The following DPYD variants were observed in gnomAD, a reference collection of about 807,000 sequenced individuals.
DPYD encodes the protein dihydropyrimidine dehydrogenase.
A neutral mutation model predicts 116.2 loss-of-function variants in DPYD; 109 were observed. That is an observed-to-expected ratio of 0.94 (90% CI 0.80 to 1.10). The LOEUF (loss-of-function observed/expected upper bound fraction) is 1.10, where lower values mean the gene tolerates loss of function less well. DPYD is among the 50% of genes least tolerant of loss of function. DPYD has a pLI of 0.00. For synonymous variants in DPYD, 440 were observed against 432.0 expected, an observed-to-expected ratio of 1.02 and a Z score of -0.23; for missense variants, 1,302 against 1,254.5, an observed-to-expected ratio of 1.04 and a Z score of -0.57.
chr1:97,096,259 G>GT (rs1349437042), intron 21 of DPYD, among the ~76,000 whole-genome samples: 1 of 151,736 alleles, frequency 6.6e-6, no homozygotes, highest in East Asian at 1.9e-4. Context: ...GCTCTGTTTT[G>GT]TTTTTTGTCT....
chr1:97,769,320 G>T (rs1666030295), intron 3 of DPYD, among the ~76,000 whole-genome samples: 1 of 152,038 alleles, frequency 6.6e-6, no homozygotes, highest in South Asian at 2.1e-4. Context: ...AGTCAACAAG[G>T]TGGTAACAGG....
intron 10 of DPYD, among the ~76,000 whole-genome samples, chr1:97,592,022 T>C (rs1486300710): frequency 6.6e-6 from 1 of 152,170 alleles, no homozygotes; most frequent in East Asian, 1.9e-4. Flanking sequence ...CATGAACCAA[T>C]GGTGACCCTG....
chr1:97,577,169 T>G (rs1395473761), intron 10 of DPYD, among the ~76,000 whole-genome samples: 1 of 152,214 alleles, frequency 6.6e-6, no homozygotes, highest in African/African-American at 2.4e-5. Context: ...GACTTTGTTA[T>G]AGCAGAAGAA....
rs757509506 is a variant in DPYD, at chr1:97,079,057, G to C, written c.2997C>G (p.Val999=). ...CTLCLSVCPI[V]DCIKMVSRTT... ...TCCTGGAAACCATTTTGATGCAGTC[G>C]ACAATAGGGCAAACACTGAGACACA... The change falls in exon 23 of 23, where the codon GTC becomes GTG. Residue 999 remains valine (V), a synonymous_variant. Transcript: ENST00000370192. 2 of 1,613,556 alleles carry C rather than the reference G, an allele frequency of 1.2e-6. No homozygotes were observed. Among genetic ancestry groups the C allele is most frequent in the African/African-American group, 1.3e-5 (1 of 74,852 alleles).
Position 97,911,943 on chromosome 1 carries a change from G to A in DPYD, c.39+8941C>T, listed in dbSNP as rs114078222. Among the ~76,000 whole-genome samples, 1,268 of 152,046 alleles carry A rather than the reference G, an allele frequency of 8.3e-3. 10 individuals are homozygous for A. Among genetic ancestry groups the A allele is most frequent in the Non-Finnish European group, 0.012 (810 of 67,968 alleles). On this transcript the variant is annotated intron_variant, in intron 1 of 22. Coordinates refer to ENST00000370192, the MANE Select transcript of DPYD (RefSeq NM_000110.4). ...GCAGAAAAAATTAGGAACCATGCAC[G>A]CTGTCAAGCCATTCTCCAGAAAGAA...
chr1:97,267,687 TGA>T (rs1287692284), intron 18 of DPYD, among the ~76,000 whole-genome samples: 1 of 152,114 alleles, frequency 6.6e-6, no homozygotes, highest in Admixed American at 6.5e-5. Context: ...AATCCATTCA[TGA>T]GGGTGGAGAC....
intron 3 of DPYD, among the ~76,000 whole-genome samples, chr1:97,757,671 A>G (rs1038472511): frequency 5.9e-5 from 9 of 152,194 alleles, no homozygotes; most frequent in African/African-American, 2.2e-4. Flanking sequence ...TGCCTTGTTA[A>G]GACTTTCCCC....
At position 97,344,300 on chromosome 1, in the gene DPYD, G is replaced by C. The variant is rs1374212131; in HGVS notation, c.2058+29261C>G. On this transcript the variant is annotated intron_variant, in intron 16 of 22. Transcript: ENST00000370192. Reference sequence around the variant, plus strand: ...ATAAATATGGTTTATTTTTTGAATAGACAGACCAACATTCACGCTTGAGTT... The same window carrying C: ...ATAAATATGGTTTATTTTTTGAATACACAGACCAACATTCACGCTTGAGTT... 4.6e-5 allele frequency among the ~76,000 whole-genome samples: 7 copies of C among 151,956 alleles called. No homozygotes were observed. The East Asian group carries it at 5.8e-4, about 13-fold the overall frequency.
rs1039736115 is a variant in DPYD, at chr1:97,628,917, C to T, written c.851-33751G>A. Among the ~76,000 whole-genome samples the T allele has an allele frequency of 2.6e-5, 4 of 152,054 alleles. No homozygotes were observed. In the Middle Eastern group the frequency reaches 0.014, roughly 517 times the overall value. On this transcript the variant is annotated intron_variant, in intron 8 of 22. Transcript: ENST00000370192. ...TTTGCTCAGACTTTAGAACTAGATA[C>T]CTTGAGTTCAAATCCCAGCCTCTAC...
chr1:97,146,295 G>A (rs921664422), intron 20 of DPYD, among the ~76,000 whole-genome samples: 5 of 152,172 alleles, frequency 3.3e-5, no homozygotes, highest in Non-Finnish European at 7.3e-5. Flanking sequence ...TAGGGAGAGT[G>A]ACCATATACT....
chr1:97,705,178 A>T (rs1417604821), intron 5 of DPYD, among the ~76,000 whole-genome samples: 1 of 151,734 alleles, frequency 6.6e-6, no homozygotes, highest in Non-Finnish European at 1.5e-5. Context: ...CATGTGCACA[A>T]CGTGCAGGTT....
At chr1:97,751,887 C>T (rs987214158) in intron 3 of DPYD, among the ~76,000 whole-genome samples, 3 of 151,742 alleles carry the variant, frequency 2.0e-5, no homozygotes, top group Admixed American at 1.3e-4. Flanking sequence ...CTCAGCCTCC[C>T]GAGTAGCTGA....
chr1:97,242,697 A>G (rs1291542767), intron 18 of DPYD, among the ~76,000 whole-genome samples: 2 of 151,778 alleles, frequency 1.3e-5, no homozygotes, highest in African/African-American at 4.8e-5. Flanking sequence ...GAGAATAAGC[A>G]TCATCAGTAT....
intron 3 of DPYD, among the ~76,000 whole-genome samples, chr1:97,790,623 G>A (rs564216683): frequency 6.6e-6 from 1 of 152,238 alleles, no homozygotes; most frequent in Admixed American, 6.5e-5. Context: ...TGTTGAAAAA[G>A]TAAAAACAGT....
chr1:97,918,148 T>G (rs115084448), intron 1 of DPYD, among the ~76,000 whole-genome samples: 1 of 152,224 alleles, frequency 6.6e-6, no homozygotes, highest in Admixed American at 6.5e-5. Context: ...AAAATGCTAA[T>G]CATTTCATTG....
At chr1:97,917,052 C>CA (rs1674254676) in intron 1 of DPYD, among the ~76,000 whole-genome samples, 1 of 152,102 alleles carries the variant, frequency 6.6e-6, no homozygotes, top group Non-Finnish European at 1.5e-5. Flanking sequence ...GTAGGAAGTA[C>CA]AAGCATGTTT....
intron 14 of DPYD, among the ~76,000 whole-genome samples, chr1:97,425,164 AT>A (rs575107773): frequency 6.6e-6 from 1 of 152,130 alleles, no homozygotes; most frequent in South Asian, 2.1e-4. Flanking sequence ...CATCAATACT[AT>A]TTTTTAAGCC....
chr1:97,867,088 A>T (rs1244478314), intron 2 of DPYD, among the ~76,000 whole-genome samples: 1 of 151,940 alleles, frequency 6.6e-6, no homozygotes, highest in Non-Finnish European at 1.5e-5. Context: ...AGGCAGAGAC[A>T]TCAGATAGGA....
chr1:97,144,033 C>A (rs1344498798), intron 20 of DPYD, among the ~76,000 whole-genome samples: 1 of 152,136 alleles, frequency 6.6e-6, no homozygotes, highest in African/African-American at 2.4e-5. Flanking sequence ...TGCTATGCAT[C>A]ACCATGAAAC....
Sources: allele counts gnomAD v4.1 joint callset (sites outside exome capture counted in the v4.1 genomes callset), GRCh38; gene constraint gnomAD v4.1.1; transcripts MANE v1.5; gene names NCBI Gene and HGNC (gene_info 2026-07-23, HGNC 2026-07-21).